The following MEGF11 variants were observed in gnomAD, a reference collection of about 807,000 sequenced individuals.
MEGF11 encodes the protein multiple epidermal growth factor-like domains protein 11.
Under a neutral mutation model 146.6 loss-of-function variants are expected in MEGF11, and 126 were observed. The observed-to-expected ratio is 0.86, with a 90% CI of 0.74 to 1.00. MEGF11 has a LOEUF of 1.00. Among genes scored for constraint, MEGF11 ranks in the 50% least tolerant of loss-of-function variants. The probability of loss-of-function intolerance (pLI) is 0.00; values close to 1 mark genes in which losing one functional copy is unlikely to be tolerated. For missense variants in MEGF11, 1,509 were observed against 1,521.2 expected, an observed-to-expected ratio of 0.99 and a Z score of 0.13; for synonymous variants, 532 against 583.4, an observed-to-expected ratio of 0.91 and a Z score of 1.27.
intron 1 of MEGF11, among the ~76,000 whole-genome samples, chr15:66,172,904 A>C (rs150916094): frequency 6.6e-6 from 1 of 152,094 alleles, no homozygotes; most frequent in South Asian, 2.1e-4. Context: ...GTCTAATGAG[A>C]CTTCACCAGC....
At chr15:66,071,499 C>T (rs984704842) in intron 5 of MEGF11, among the ~76,000 whole-genome samples, 1 of 152,224 alleles carries the variant, frequency 6.6e-6, no homozygotes, top group Non-Finnish European at 1.5e-5. Context: ...ATTTGCTAAG[C>T]AAATTGTATT....
At chr15:66,161,503 A>G (rs917334619) in intron 1 of MEGF11, among the ~76,000 whole-genome samples, 1 of 152,106 alleles carries the variant, frequency 6.6e-6, no homozygotes, top group African/African-American at 2.4e-5. Context: ...CTCCCACCTC[A>G]GCCCCTTAAG....
intron 1 of MEGF11, among the ~76,000 whole-genome samples, chr15:66,169,827 C>G (rs554558056): frequency 3.7e-4 from 57 of 152,296 alleles, no homozygotes; most frequent in African/African-American, 1.3e-3. Flanking sequence ...AGGAGCACCG[C>G]GGCAGCCGGA....
chr15:66,138,903 A>G (rs2089016950), intron 1 of MEGF11, among the ~76,000 whole-genome samples: 1 of 152,112 alleles, frequency 6.6e-6, no homozygotes, highest in Non-Finnish European at 1.5e-5. Flanking sequence ...TACAGATACT[A>G]CTGGGGGTGC....
intron 20 of MEGF11, 146 bp downstream of exon 20, chr15:65,913,591 G>A: frequency 1.4e-6 from 1 of 701,840 alleles, no homozygotes; most frequent in South Asian, 1.8e-5. Context: ...TCTCTAGGTA[G>A]GCTCCTGCTC....
At chr15:66,243,567 C>G (rs1456749817) in intron 1 of MEGF11, among the ~76,000 whole-genome samples, 1 of 152,122 alleles carries the variant, frequency 6.6e-6, no homozygotes, top group Non-Finnish European at 1.5e-5. Flanking sequence ...TGTGAGATGC[C>G]AAATTGTTGG....
chr15:66,237,688 G>A (rs1208865927), intron 1 of MEGF11, among the ~76,000 whole-genome samples: 3 of 152,160 alleles, frequency 2.0e-5, no homozygotes, highest in African/African-American at 7.2e-5. Context: ...CTGGCACGTG[G>A]CTATCTCCCG....
intron 1 of MEGF11, among the ~76,000 whole-genome samples, chr15:66,226,526 G>A (rs1208659752): frequency 6.6e-6 from 1 of 152,150 alleles, no homozygotes; most frequent in Non-Finnish European, 1.5e-5. Context: ...GGGATTACAG[G>A]CATGAGCCAC....
intron 24 of MEGF11, among the ~76,000 whole-genome samples, chr15:65,900,160 G>C (rs186480477): frequency 2.1e-4 from 32 of 152,320 alleles, no homozygotes; most frequent in Middle Eastern, 3.4e-3. Context: ...TGAGCTGCTT[G>C]AGTTGATAGA....
At chr15:65,987,543 AGT>A (rs1373935266) in intron 5 of MEGF11, among the ~76,000 whole-genome samples, 2 of 152,170 alleles carry the variant, frequency 1.3e-5, no homozygotes, top group Non-Finnish European at 2.9e-5. Flanking sequence ...ATCATTTTTA[AGT>A]GTGTAATTCA....
intron 1 of MEGF11, among the ~76,000 whole-genome samples, chr15:66,240,239 C>T (rs927991862): frequency 6.6e-6 from 1 of 152,214 alleles, no homozygotes; most frequent in Non-Finnish European, 1.5e-5. Flanking sequence ...AGATGAATGA[C>T]TTGACTTTGA....
intron 1 of MEGF11, among the ~76,000 whole-genome samples, chr15:66,244,170 G>T (rs926883789): frequency 2.6e-5 from 4 of 152,148 alleles, no homozygotes. Context: ...GGTGGTCCTT[G>T]CTATGGTCTC....
At chr15:65,962,611 G>GT (rs2080900061) in intron 9 of MEGF11, among the ~76,000 whole-genome samples, 1 of 152,188 alleles carries the variant, frequency 6.6e-6, no homozygotes, top group East Asian at 1.9e-4. Flanking sequence ...GGAGAAATAT[G>GT]TTTTTTTAAA....
rs1230221278 is a variant in MEGF11, at chr15:66,207,146, A to G, written c.-9+46459T>C. Among the ~76,000 whole-genome samples the G allele has an allele frequency of 2.6e-5, 4 of 152,162 alleles. No homozygotes were observed. In the East Asian group the frequency reaches 7.7e-4, roughly 29 times the overall value. On this transcript the variant is annotated intron_variant, in intron 1 of 25. Coordinates refer to ENST00000395614, the MANE Select transcript of MEGF11 (RefSeq NM_001385028.1). ...GGCAGAAAAAATATAGAGAGAAATA[A>G]TAGCTGAAAACTTCCCAAATTTAAT...
chr15:66,217,827 C>T (rs931002408), intron 1 of MEGF11, among the ~76,000 whole-genome samples: 1 of 152,216 alleles, frequency 6.6e-6, no homozygotes, highest in African/African-American at 2.4e-5. Context: ...TTCCCAGGAA[C>T]CATCCAGAAA....
At chr15:66,028,696 C>T (rs143957714) in intron 5 of MEGF11, among the ~76,000 whole-genome samples, 130 of 152,260 alleles carry the variant, frequency 8.5e-4, no homozygotes, top group Admixed American at 3.1e-3. Flanking sequence ...ATAAACCCAA[C>T]GCACTATTAT....
chr15:66,104,197 T>C (rs1022574589), intron 4 of MEGF11, among the ~76,000 whole-genome samples: 1 of 152,250 alleles, frequency 6.6e-6, no homozygotes, highest in African/African-American at 2.4e-5. Context: ...ATGGGGCTGA[T>C]GGGTCCCAAC....
At chr15:66,029,512 T>C (rs1442823292) in intron 5 of MEGF11, among the ~76,000 whole-genome samples, 1 of 152,202 alleles carries the variant, frequency 6.6e-6, no homozygotes, top group African/African-American at 2.4e-5. Context: ...AGTGTCCCAT[T>C]TGGGACATGG....
At chr15:66,159,919 A>T (rs1465624523) in intron 1 of MEGF11, among the ~76,000 whole-genome samples, 1 of 152,152 alleles carries the variant, frequency 6.6e-6, no homozygotes, top group Admixed American at 6.5e-5. Flanking sequence ...GAGTTGGAGT[A>T]ACCATGATTC....
Sources: allele counts gnomAD v4.1 joint callset (sites outside exome capture counted in the v4.1 genomes callset), GRCh38; gene constraint gnomAD v4.1.1; transcripts MANE v1.5; gene names NCBI Gene and HGNC (gene_info 2026-07-23, HGNC 2026-07-21).